Variants in PALM2AKAP2 observed in about 807,000 individuals in gnomAD.
The protein encoded by PALM2AKAP2 is PALM2 and AKAP2 fusion.
PALM2AKAP2 carries 37 observed loss-of-function variants against 71.5 expected under a neutral mutation model. The observed-to-expected ratio is 0.52, with a 90% CI of 0.40 to 0.68. The LOEUF (loss-of-function observed/expected upper bound fraction) is 0.68. Among genes scored for constraint, PALM2AKAP2 ranks in the 30% least tolerant of loss-of-function variants. PALM2AKAP2 has a pLI of 0.00. For synonymous variants in PALM2AKAP2, 468 were observed against 478.8 expected (o/e 0.98, Z 0.29); for missense variants, 1,224 against 1,191.8 (o/e 1.03, Z -0.40).
At chr9:109,962,243 G>C (rs1356003254) in intron 6 of PALM2AKAP2, among the ~76,000 whole-genome samples, 2 of 152,146 alleles carry the variant, frequency 1.3e-5, no homozygotes, top group African/African-American at 4.8e-5. Context: ...AAGTGTTTTG[G>C]ACACTGCCTG....
intron 6 of PALM2AKAP2, among the ~76,000 whole-genome samples, chr9:109,964,157 C>T (rs1347546713): frequency 6.6e-6 from 1 of 152,256 alleles, no homozygotes; most frequent in Admixed American, 6.5e-5. Context: ...ATGTCAGCAT[C>T]TATTTGTGCA....
exon 2 of PALM2AKAP2, chr9:110,136,214 T>C: frequency 1.9e-6 from 3 of 1,614,102 alleles, no homozygotes; most frequent in South Asian, 1.1e-5. Context: ...TGCTGCCAGC[T>C]CTCTTTCCCC....
chr9:110,125,176 C>T (rs1232621743), intron 1 of PALM2AKAP2, among the ~76,000 whole-genome samples: 2 of 152,160 alleles, frequency 1.3e-5, no homozygotes, highest in Non-Finnish European at 2.9e-5. Flanking sequence ...TTTTTTGCTG[C>T]CTCAATACCC....
intron 1 of PALM2AKAP2, among the ~76,000 whole-genome samples, chr9:110,070,495 A>G (rs891444282): frequency 6.6e-6 from 1 of 152,264 alleles, no homozygotes; most frequent in Non-Finnish European, 1.5e-5. Flanking sequence ...AGAAAATGAA[A>G]AAAGAGCCTC....
At chr9:109,987,001 G>C (rs1309346122) in intron 6 of PALM2AKAP2, among the ~76,000 whole-genome samples, 1 of 152,154 alleles carries the variant, frequency 6.6e-6, no homozygotes, top group Non-Finnish European at 1.5e-5. Context: ...ACATAATGTA[G>C]TGGACATTCA....
intron 1 of PALM2AKAP2, among the ~76,000 whole-genome samples, chr9:109,824,062 G>GT: frequency 6.6e-6 from 1 of 151,968 alleles, no homozygotes; most frequent in Non-Finnish European, 1.5e-5. Context: ...GCTGATTTTT[G>GT]TATTTTTGTA....
At chr9:109,929,618 A>C (rs1831043690) in intron 5 of PALM2AKAP2, among the ~76,000 whole-genome samples, 1 of 152,034 alleles carries the variant, frequency 6.6e-6, no homozygotes. Context: ...TAATCCCAGC[A>C]CTTTGGGAGG....
intron 2 of PALM2AKAP2, among the ~76,000 whole-genome samples, chr9:110,143,742 A>T (rs967280835): frequency 5.3e-5 from 8 of 152,298 alleles, no homozygotes; most frequent in Middle Eastern, 3.4e-3. Context: ...TTCATGCCAG[A>T]TGTTGAATTT....
At chr9:110,103,096 C>T (rs115573567) in intron 1 of PALM2AKAP2, among the ~76,000 whole-genome samples, 2,938 of 152,292 alleles carry the variant, frequency 0.019, 82 homozygotes, top group African/African-American at 0.068. Flanking sequence ...TTCCCTTCCT[C>T]ATGGAAACCT....
chr9:110,091,333 C>T (rs1219894419), intron 1 of PALM2AKAP2, among the ~76,000 whole-genome samples: 1 of 151,912 alleles, frequency 6.6e-6, no homozygotes, highest in Non-Finnish European at 1.5e-5. Flanking sequence ...CTTTTCAAAA[C>T]TCTGAAATTT....
intron 1 of PALM2AKAP2, among the ~76,000 whole-genome samples, chr9:109,793,661 G>A (rs1283080341): frequency 6.6e-6 from 1 of 152,178 alleles, no homozygotes; most frequent in Non-Finnish European, 1.5e-5. Context: ...TCCACTTTTC[G>A]GTCTAGACCA....
intron 1 of PALM2AKAP2, among the ~76,000 whole-genome samples, chr9:109,681,833 C>T (rs969611641): frequency 6.6e-6 from 1 of 152,066 alleles, no homozygotes; most frequent in Non-Finnish European, 1.5e-5. Context: ...CTGAGAAGAC[C>T]ATTATGAATT....
At chr9:109,892,737 C>T (rs1830115140) in intron 3 of PALM2AKAP2, among the ~76,000 whole-genome samples, 2 of 151,994 alleles carry the variant, frequency 1.3e-5, no homozygotes, top group African/African-American at 2.4e-5. Flanking sequence ...TAATTTGAGG[C>T]AAGTTCTTTA....
chr9:110,004,016 T>G (rs534748219), intron 6 of PALM2AKAP2, among the ~76,000 whole-genome samples: 65 of 152,332 alleles, frequency 4.3e-4, no homozygotes, highest in Middle Eastern at 3.4e-3. Context: ...ATTGGAGCAT[T>G]TAGCCCATTT....
chr9:109,911,587 G>T (rs780417004), intron 3 of PALM2AKAP2, among the ~76,000 whole-genome samples: 18 of 152,266 alleles, frequency 1.2e-4, no homozygotes, highest in Non-Finnish European at 2.2e-4. Context: ...GTCCAATATT[G>T]TTCTTTTTTC....
At chr9:110,164,528 CTT>C (rs35588802) in intron 3 of PALM2AKAP2, among the ~76,000 whole-genome samples, 123 of 129,262 alleles carry the variant, frequency 9.5e-4, no homozygotes, top group East Asian at 8.7e-3. Context: ...ATTTAGTTTA[CTT>C]TTTTTTTTTT....
Position 109,867,364 on chromosome 9 carries a change from CGT to C in PALM2AKAP2, c.46-121_46-120del, listed in dbSNP as rs1829479734. ...AGAGACGGTGGGGCAGGTGACACTGCGTGTGTGCCCGGTGTCTCTGGAAGTGT... is the reference window on the plus strand; with the variant it reads ...AGAGACGGTGGGGCAGGTGACACTGCGTGTGCCCGGTGTCTCTGGAAGTGT... On this transcript the variant is annotated intron_variant, in intron 1 of 9. Transcript: ENST00000302798. 6.8e-6 allele frequency: 7 copies of C among 1,029,914 alleles called. No homozygotes were observed. The Admixed American group carries it at 1.5e-4, about 22-fold the overall frequency. 63.8% of individuals were successfully genotyped at this position (1,029,914 alleles called of 1,614,324 possible). A position where few individuals can be genotyped will look rare whatever the true frequency, so the allele number is the denominator to read the frequency against.
chr9:110,135,164 A>AAAAAAAAATATAT lies in PALM2AKAP2; in HGVS notation c.157-962_157-961insAAAAAAATATATA. Among the ~76,000 whole-genome samples, 90 of 51,712 alleles carry AAAAAAAAATATAT rather than the reference A, an allele frequency of 1.7e-3. 9 individuals carry two copies. Among genetic ancestry groups the AAAAAAAAATATAT allele is most frequent in the East Asian group, 3.8e-3 (3 of 792 alleles). 33.9% of individuals were successfully genotyped at this position (51,712 alleles called of 152,430 possible). ...AACTCTGTCTCTACAAAAAAAAAAA[A>AAAAAAAAATATAT]ATATATAAATATATATATATATATA... On this transcript the variant is annotated intron_variant, in intron 1 of 3. Transcript: ENST00000374525.
intron 7 of PALM2AKAP2, 111 bp downstream of exon 7, chr9:110,016,150 TTC>T: frequency 1.9e-6 from 2 of 1,049,720 alleles, no homozygotes; most frequent in Non-Finnish European, 1.4e-6. Context: ...CTTGCTAGAG[TTC>T]TCTCTCTACT....
Sources: gnomAD v4.1 joint callset for allele counts (sites outside exome capture counted in the v4.1 genomes callset) on GRCh38, gnomAD v4.1.1 for gene constraint, MANE v1.5 for transcripts, NCBI Gene and HGNC (gene_info 2026-07-23, HGNC 2026-07-21) for gene names.